Variants in THSD7B observed in about 807,000 individuals in gnomAD.
THSD7B encodes the protein thrombospondin type 1 domain containing 7B, also known as thrombospondin type-1 domain-containing protein 7B.
A neutral mutation model predicts 213.6 loss-of-function variants in THSD7B; 138 were observed. The ratio of observed to expected loss-of-function variants is 0.65; its 90% CI spans 0.56 to 0.74. The LOEUF (loss-of-function observed/expected upper bound fraction) is 0.74, where lower values mean the gene tolerates loss of function less well. Ranked by LOEUF, THSD7B falls within the 30% of genes least tolerant of loss-of-function variation. The pLI is 0.00. For synonymous variants in THSD7B, 742 were observed against 687.0 expected (o/e 1.08, Z -1.25); for missense variants, 1,931 against 1,991.5 (o/e 0.97, Z 0.58).
intron 1 of THSD7B, among the ~76,000 whole-genome samples, chr2:136,814,175 G>C (rs1682433986): frequency 6.6e-6 from 1 of 152,134 alleles, no homozygotes; most frequent in South Asian, 2.1e-4. Context: ...AAATTGCTTT[G>C]TTCCTAGATG....
At chr2:137,285,990 A>T (rs1284818876) in intron 12 of THSD7B, among the ~76,000 whole-genome samples, 1 of 151,460 alleles carries the variant, frequency 6.6e-6, no homozygotes, top group Non-Finnish European at 1.5e-5. Flanking sequence ...GGTAATCCCA[A>T]CTACTCGGGA....
intron 2 of THSD7B, among the ~76,000 whole-genome samples, chr2:136,939,094 C>A (rs572027425): frequency 6.6e-6 from 1 of 152,180 alleles, no homozygotes; most frequent in East Asian, 1.9e-4. Context: ...TCCTAAATAT[C>A]TTTTTTCAAG....
chr2:137,588,477 C>T (rs1681791158), intron 17 of THSD7B, among the ~76,000 whole-genome samples: 2 of 149,780 alleles, frequency 1.3e-5, no homozygotes, highest in Admixed American at 1.3e-4. Flanking sequence ...GAATATTTTT[C>T]AGTGTTTTTT....
intron 4 of THSD7B, among the ~76,000 whole-genome samples, chr2:137,102,078 C>T (rs556685408): frequency 3.9e-5 from 6 of 152,332 alleles, no homozygotes; most frequent in African/African-American, 1.2e-4. Flanking sequence ...GTCCCTGACC[C>T]CCATGCCTCC....
chr2:136,882,668 C>A (rs981911421), intron 2 of THSD7B, among the ~76,000 whole-genome samples: 9 of 152,132 alleles, frequency 5.9e-5, no homozygotes, highest in African/African-American at 1.7e-4. Flanking sequence ...CGCTTTGGAC[C>A]AGTTCTGCAT....
At chr2:136,766,512 A>G (rs1403737151) in intron 1 of THSD7B, among the ~76,000 whole-genome samples, 1 of 152,162 alleles carries the variant, frequency 6.6e-6, no homozygotes, top group East Asian at 1.9e-4. Flanking sequence ...GAATAAGCAA[A>G]TGAACCCCGC....
At chr2:137,456,676 T>A (rs945999805) in intron 15 of THSD7B, among the ~76,000 whole-genome samples, 16 of 152,200 alleles carry the variant, frequency 1.1e-4, no homozygotes, top group African/African-American at 3.9e-4. Context: ...TCAGGTGTAC[T>A]GTTCTTACAT....
intron 4 of THSD7B, among the ~76,000 whole-genome samples, chr2:137,108,548 T>C (rs1283158204): frequency 6.6e-6 from 1 of 152,182 alleles, no homozygotes; most frequent in East Asian, 1.9e-4. Context: ...ACTTGAGTTG[T>C]TTAATTCTAA....
intron 7 of THSD7B, among the ~76,000 whole-genome samples, chr2:137,177,624 C>T (rs1383853582): frequency 6.6e-6 from 1 of 152,130 alleles, no homozygotes; most frequent in Non-Finnish European, 1.5e-5. Flanking sequence ...GGCAAGTTCC[C>T]AGGTGATGCT....
intron 17 of THSD7B, among the ~76,000 whole-genome samples, chr2:137,598,275 T>C (rs1452114899): frequency 6.6e-6 from 1 of 152,188 alleles, no homozygotes; most frequent in African/African-American, 2.4e-5. Flanking sequence ...AATCCTCAGA[T>C]CCTTGAAATA....
intron 2 of THSD7B, among the ~76,000 whole-genome samples, chr2:137,012,878 C>A (rs1290602068): frequency 6.6e-6 from 1 of 152,096 alleles, no homozygotes; most frequent in African/African-American, 2.4e-5. Flanking sequence ...TTTATTTTTT[C>A]CAAATATGTC....
At chr2:137,542,142 C>T (rs776389141) in intron 15 of THSD7B, among the ~76,000 whole-genome samples, 1 of 151,600 alleles carries the variant, frequency 6.6e-6, no homozygotes. Flanking sequence ...GCTATTTTCA[C>T]CTAGATGCAT....
chr2:137,537,610 T>C (rs1001114745), intron 15 of THSD7B, among the ~76,000 whole-genome samples: 5 of 151,670 alleles, frequency 3.3e-5, no homozygotes, highest in Admixed American at 2.6e-4. Context: ...TAATTTACCT[T>C]CTCAACTTAG....
intron 2 of THSD7B, among the ~76,000 whole-genome samples, chr2:136,963,925 G>A (rs1301063312): frequency 6.6e-6 from 1 of 152,112 alleles, no homozygotes; most frequent in Non-Finnish European, 1.5e-5. Context: ...ATTTATTTGG[G>A]TTACAACTAT....
chr2:136,783,775 G>A (rs1681789428), intron 1 of THSD7B, among the ~76,000 whole-genome samples: 1 of 152,190 alleles, frequency 6.6e-6, no homozygotes, highest in East Asian at 1.9e-4. Context: ...GGAAGAGTAA[G>A]GTAGAGAGCC....
chr2:136,846,240 T>C (rs1573666434), intron 1 of THSD7B, among the ~76,000 whole-genome samples: 1 of 152,006 alleles, frequency 6.6e-6, no homozygotes, highest in East Asian at 1.9e-4. Flanking sequence ...GCCTCTTCTG[T>C]CTCCTTGGTT....
At chr2:136,983,200 T>C (rs1202382423) in intron 2 of THSD7B, among the ~76,000 whole-genome samples, 3 of 152,120 alleles carry the variant, frequency 2.0e-5, no homozygotes, top group Non-Finnish European at 4.4e-5. Flanking sequence ...ATTTAGTGTT[T>C]TTCTCCCATA....
At chr2:137,345,337 A>G (rs1684852465) in intron 12 of THSD7B, among the ~76,000 whole-genome samples, 1 of 151,766 alleles carries the variant, frequency 6.6e-6, no homozygotes, top group Admixed American at 6.6e-5. Flanking sequence ...GGTTACATGA[A>G]AATAATTGCA....
Position 136,823,941 on chromosome 2 carries a change from A to G in THSD7B, c.-35-58203A>G, listed in dbSNP as rs560363533. Among the ~76,000 whole-genome samples, 15 of 152,344 alleles carry G rather than the reference A, an allele frequency of 9.8e-5. No individual in the cohort carries two copies. In the East Asian group the frequency reaches 2.9e-3, roughly 29 times the overall value. ...GGATTCCTACCCTGAACATTTGATC[A>G]TAATTGATGAAAATAATTACTAATA... On this transcript the variant is annotated intron_variant, in intron 1 of 27. Transcript: ENST00000409968.
Sources: gnomAD v4.1 joint callset for allele counts (sites outside exome capture counted in the v4.1 genomes callset) on GRCh38, gnomAD v4.1.1 for gene constraint, MANE v1.5 for transcripts, NCBI Gene and HGNC (gene_info 2026-07-23, HGNC 2026-07-21) for gene names.